Variants in TECPR2 observed in about 807,000 individuals in gnomAD.
TECPR2 encodes tectonin beta-propeller repeat containing 2, also known as tectonin beta-propeller repeat-containing protein 2.
TECPR2 carries 65 observed loss-of-function variants against 138.1 expected under a neutral mutation model. The observed-to-expected ratio is 0.47, with a 90% CI of 0.39 to 0.58. The LOEUF is 0.58. Among genes scored for constraint, TECPR2 ranks in the 20% least tolerant of loss-of-function variants. The pLI is 0.00. For synonymous variants in TECPR2, 746 were observed against 749.8 expected, an observed-to-expected ratio of 0.99 and a Z score of 0.08; for missense variants, 1,553 against 1,824.5, an observed-to-expected ratio of 0.85 and a Z score of 2.71.
chr14:102,402,538 T>C (rs1244177216), intron 2 of TECPR2, among the ~76,000 whole-genome samples: 2 of 151,316 alleles, frequency 1.3e-5, no homozygotes, highest in Admixed American at 6.6e-5. Context: ...AAGGAAATAA[T>C]AAGATTAGAA....
intron 5 of TECPR2, among the ~76,000 whole-genome samples, chr14:102,416,798 A>G (rs1430864397): frequency 6.6e-6 from 1 of 152,188 alleles, no homozygotes; most frequent in African/African-American, 2.4e-5. Context: ...AGCCTGGCCA[A>G]CATGGTGAAA....
chr14:102,395,381 A>G (rs756805075), intron 2 of TECPR2, among the ~76,000 whole-genome samples: 3 of 152,230 alleles, frequency 2.0e-5, no homozygotes, highest in Non-Finnish European at 4.4e-5. Context: ...ATGTCGCCAT[A>G]TATCTTAGCA....
At chr14:102,402,650 G>C (rs542274332) in intron 2 of TECPR2, among the ~76,000 whole-genome samples, 1 of 152,170 alleles carries the variant, frequency 6.6e-6, no homozygotes, top group East Asian at 1.9e-4. Context: ...CCTTTAGCCA[G>C]ATGGATCAAG....
intron 16 of TECPR2, among the ~76,000 whole-genome samples, chr14:102,460,225 A>ATGCCACTGCTGAGCCAAGATGG (rs1379775634): frequency 6.6e-6 from 1 of 152,058 alleles, no homozygotes; most frequent in Non-Finnish European, 1.5e-5. Context: ...AGCCAAGATT[A>ATGCCACTGCTGAGCCAAGATGG]TGCCACTGCT....
intron 2 of TECPR2, among the ~76,000 whole-genome samples, chr14:102,382,482 T>C (rs925846380): frequency 6.6e-6 from 1 of 152,216 alleles, no homozygotes; most frequent in Non-Finnish European, 1.5e-5. Context: ...GAGACTTCAG[T>C]ATTCCTCTCT....
At chr14:102,483,988 G>GGT in intron 17 of TECPR2, among the ~76,000 whole-genome samples, 1 of 119,304 alleles carries the variant, frequency 8.4e-6, no homozygotes, top group East Asian at 2.5e-4. Context: ...GTAGAGACAA[G>GGT]GTTTCACCAT....
chr14:102,377,714 G>T (rs771028195), intron 2 of TECPR2, among the ~76,000 whole-genome samples: 13 of 151,924 alleles, frequency 8.6e-5, no homozygotes, highest in Non-Finnish European at 1.9e-4. Context: ...TTAAAAAAAA[G>T]AAAGAAAGAA....
intron 17 of TECPR2, among the ~76,000 whole-genome samples, chr14:102,474,694 G>A (rs1266317328): frequency 6.6e-6 from 1 of 152,182 alleles, no homozygotes; most frequent in Non-Finnish European, 1.5e-5. Flanking sequence ...ATAATGGGTA[G>A]GAAAACTTTT....
chr14:102,434,058 C>A (rs956528300), intron 8 of TECPR2, among the ~76,000 whole-genome samples, 177 bp from the exon 9 acceptor site: 1 of 152,132 alleles, frequency 6.6e-6, no homozygotes, highest in Non-Finnish European at 1.5e-5. Flanking sequence ...TCAGTACTTG[C>A]ATGCATAGAA....
intron 17 of TECPR2, among the ~76,000 whole-genome samples, chr14:102,490,568 C>G (rs1891133113): frequency 6.6e-6 from 1 of 152,256 alleles, no homozygotes; most frequent in African/African-American, 2.4e-5. Flanking sequence ...CACCCGACAT[C>G]TGTGGCTCGG....
intron 17 of TECPR2, among the ~76,000 whole-genome samples, chr14:102,488,513 A>C (rs1401426253): frequency 6.7e-6 from 1 of 149,572 alleles, no homozygotes; most frequent in African/African-American, 2.5e-5. Context: ...CTAATTTTGT[A>C]CTTTTTTTTT....
At chr14:102,497,218 G>A in intron 18 of TECPR2, 98 bp downstream of exon 18, 3 of 1,492,698 alleles carry the variant, frequency 2.0e-6, no homozygotes, top group Non-Finnish European at 2.7e-6. Context: ...CTGTGAGGCA[G>A]CCTTTGTGCT....
chr14:102,452,723 A>G (rs1211597045), intron 16 of TECPR2, 96 bp downstream of exon 16: 5 of 985,506 alleles, frequency 5.1e-6, no homozygotes, highest in Non-Finnish European at 7.6e-6. Flanking sequence ...CCTGTGTCCA[A>G]CCTGTGAGAG....
At position 102,497,074 on chromosome 14, in the gene TECPR2, G is replaced by A. The variant is rs750518108; in HGVS notation, c.3885G>A (p.Gly1295=). The change falls in exon 18 of 20, where the codon GGG becomes GGA. Residue 1295 remains glycine (G), a synonymous_variant. Transcript: ENST00000359520. ...DSRWNVHVRT[G]ITEEMPVGTA... is the part of the protein sequence containing the mutation. ...GGTGGAACGTGCACGTGCGGACCGG[G>A]ATCACCGAGGAGATGCCTGTGGGGA... 1 of 1,613,392 alleles carries A rather than the reference G, an allele frequency of 6.2e-7. No individual in the cohort carries two copies. The highest frequency in any genetic ancestry group is 1.1e-5 in the South Asian group (1 of 91,084).
At chr14:102,496,858 C>T in intron 17 of TECPR2, 121 bp from the exon 18 acceptor site, 1 of 1,472,444 alleles carries the variant, frequency 6.8e-7, no homozygotes, top group Non-Finnish European at 9.2e-7. Flanking sequence ...TCTCTGCCTC[C>T]TGCGGGGCCC....
rs768687822 is a variant in TECPR2 at position 102,432,129 on chromosome 14, G to A, written c.1417+1G>A. 1 of 1,551,926 alleles carries A rather than the reference G, an allele frequency of 6.4e-7. No individual in the cohort carries two copies. The highest frequency in any genetic ancestry group is 8.7e-7 in the Non-Finnish European group (1 of 1,145,190). On this transcript the variant is annotated splice_donor_variant, in intron 8 of 19. Transcript: ENST00000359520. LOFTEE classifies it high-confidence loss of function. ...AGGAAGAAGAAGAAGAAGAAGACAG[G>A]TACCCTCTGTAGCTGGCACACACCC...
At position 102,412,764 on chromosome 14, in the gene TECPR2, T is replaced by G. The variant is rs1457001531; in HGVS notation, c.481-1872T>G. On this transcript the variant is annotated intron_variant, in intron 4 of 19. Coordinates refer to ENST00000359520, the MANE Select transcript of TECPR2 (RefSeq NM_014844.5). ...TGGTTTCCTTGAGAGAACCACTGAGTGTATTTCAGTGTGCAGCAGAAGGGA... is the reference window on the plus strand; with the variant it reads ...TGGTTTCCTTGAGAGAACCACTGAGGGTATTTCAGTGTGCAGCAGAAGGGA... 2.6e-5 allele frequency among the ~76,000 whole-genome samples: 4 copies of G among 152,224 alleles called. No individual in the cohort carries two copies. In the East Asian group the frequency reaches 7.7e-4, roughly 29 times the overall value.
intron 17 of TECPR2, chr14:102,465,568 ATAT>A: frequency 8.9e-7 from 1 of 1,125,912 alleles, no homozygotes; most frequent in Non-Finnish European, 1.1e-6. Flanking sequence ...TACTAAGTGA[ATAT>A]TATTTTTTAA....
At chr14:102,417,136 C>A (rs951270265) in intron 5 of TECPR2, among the ~76,000 whole-genome samples, 1 of 152,128 alleles carries the variant, frequency 6.6e-6, no homozygotes, top group African/African-American at 2.4e-5. Flanking sequence ...TCCCCAGGAA[C>A]GTTTTAGGAT....
Sources: allele counts gnomAD v4.1 joint callset (sites outside exome capture counted in the v4.1 genomes callset), GRCh38; gene constraint gnomAD v4.1.1; transcripts MANE v1.5; gene names NCBI Gene and HGNC (gene_info 2026-07-23, HGNC 2026-07-21).